Variants in ZFP90 observed in about 807,000 individuals in gnomAD.
ZFP90 encodes the protein ZFP90 zinc finger protein.
Under a neutral mutation model 60.8 loss-of-function variants are expected in ZFP90, and 38 were observed. The ratio of observed to expected loss-of-function variants is 0.62; its 90% CI spans 0.48 to 0.82. The LOEUF is 0.82. Ranked by LOEUF, ZFP90 falls within the 40% of genes least tolerant of loss-of-function variation. ZFP90 has a pLI of 0.00. For synonymous variants in ZFP90, 287 were observed against 264.8 expected (o/e 1.08, Z -0.82); for missense variants, 711 against 759.1 (o/e 0.94, Z 0.74).
chr16:68,541,261 C>T lies in ZFP90; in HGVS notation c.33+1436C>T, dbSNP rs199738284. ...CCATGTTGGCCAGTCTGGTCTCGAA[C>T]TCCTGACGTCAATTGATCCGCCCAC... On this transcript the variant is annotated intron_variant, in intron 2 of 4. Transcript: ENST00000563169. Among the ~76,000 whole-genome samples, 22 of 152,210 alleles carry T rather than the reference C, an allele frequency of 1.4e-4. No individual in the cohort carries two copies. The East Asian group carries it at 3.7e-3, about 25-fold the overall frequency.
At chr16:68,546,416 ATTCT>A (rs773700000) in intron 2 of ZFP90, among the ~76,000 whole-genome samples, 5 of 152,162 alleles carry the variant, frequency 3.3e-5, no homozygotes, top group South Asian at 2.1e-4. Flanking sequence ...ATAACTTTTC[ATTCT>A]TTCTTCTTTC....
chr16:68,543,186 G>A (rs944621816), intron 2 of ZFP90, among the ~76,000 whole-genome samples: 9 of 151,526 alleles, frequency 5.9e-5, no homozygotes, highest in South Asian at 2.1e-4. Flanking sequence ...ACAGCCTAGC[G>A]GCAAGATGTA....
chr16:68,540,160 G>C (rs1190239428), intron 2 of ZFP90, among the ~76,000 whole-genome samples: 2 of 152,120 alleles, frequency 1.3e-5, no homozygotes, highest in Non-Finnish European at 2.9e-5. Context: ...GTCACAGGAT[G>C]GAACACTGTA....
rs534768681 is a variant in ZFP90, at chr16:68,563,509, A to T, written c.722A>T (p.Asn241Ile). 5.0e-6 allele frequency: 8 copies of T among 1,614,118 alleles called. No individual in the cohort carries two copies. The highest frequency in any genetic ancestry group is 6.8e-6 in the Non-Finnish European group (8 of 1,180,050). The change falls in exon 5 of 5, where the codon AAT (asparagine) becomes ATT (isoleucine). Residue 241 changes from asparagine (N) to isoleucine (I), a missense_variant. Around this residue, in one of 5 missense-constraint regions of ZFP90, gnomAD observed 241 missense variants for 247.6 expected, o/e 0.97. Coordinates refer to ENST00000563169, the MANE Select transcript of ZFP90 (RefSeq NM_001305203.2). ...CATAAAGGAGAGGGAGCTTTCCCTA[A>T]TGGAACAGATCAAGGAATTTATCCT... ...KTHKGEGAFP[N>I]GTDQGIYPGK...
At chr16:68,568,486 C>T (rs1302662526), downstream of ZFP90, among the ~76,000 whole-genome samples, 2 of 152,148 alleles carry the variant, frequency 1.3e-5, no homozygotes, top group Non-Finnish European at 2.9e-5. Flanking sequence ...AGTAATTTGG[C>T]AATATCCAGT....
chr16:68,542,345 C>T (rs2091065471), intron 2 of ZFP90, among the ~76,000 whole-genome samples: 1 of 152,126 alleles, frequency 6.6e-6, no homozygotes, highest in Non-Finnish European at 1.5e-5. Context: ...AATCCCAGCA[C>T]TTTGGGAGGC....
rs966790584 is a variant in ZFP90 at position 68,565,297 on chromosome 16, C to T, written c.*599C>T. ...ATGCAGGTTTCCTGGATTTGGGGCC[C>T]CATGGCCTTGCCAGTGAAAAGGTTA... is the stretch of plus-strand genomic sequence containing the variant. On this transcript the variant is annotated 3_prime_UTR_variant, in exon 5 of 5. Transcript: ENST00000563169. 5 of 985,368 alleles carry T rather than the reference C, an allele frequency of 5.1e-6. No individual in the cohort carries two copies. The highest frequency in any genetic ancestry group is 4.7e-5 in the South Asian group (1 of 21,292). 61.0% of individuals were successfully genotyped at this position (985,368 alleles called of 1,614,324 possible). A position where few individuals can be genotyped will look rare whatever the true frequency, so the allele number is the denominator to read the frequency against.
upstream of ZFP90, among the ~76,000 whole-genome samples, chr16:68,534,888 C>T (rs1468913754): frequency 1.3e-5 from 2 of 152,084 alleles, no homozygotes; most frequent in Non-Finnish European, 1.5e-5. Context: ...GCCTGGGTGA[C>T]AGAGCAAGAC....
At chr16:68,561,559 G>T (rs901569980) in intron 4 of ZFP90, among the ~76,000 whole-genome samples, 3 of 152,004 alleles carry the variant, frequency 2.0e-5, no homozygotes, top group African/African-American at 7.2e-5. Context: ...GCCATCTGAT[G>T]GTTTTACCCT....
chr16:68,544,983 G>A (rs943681344), intron 2 of ZFP90, among the ~76,000 whole-genome samples: 4 of 145,370 alleles, frequency 2.8e-5, no homozygotes, highest in Non-Finnish European at 6.0e-5. Context: ...GGGTTCAAGC[G>A]ATTCTCCCGC....
At chr16:68,543,144 T>C (rs2091082403) in intron 2 of ZFP90, among the ~76,000 whole-genome samples, 1 of 151,878 alleles carries the variant, frequency 6.6e-6, no homozygotes, top group Non-Finnish European at 1.5e-5. Context: ...AGGGAGTAGA[T>C]GTGTAGGGGA....
Position 68,565,020 on chromosome 16 carries a change from C to CA in ZFP90, c.*323dup. ...CTTGACTTGTGACCCCCAATGTCAA[C>CA]AGCTTTTTTAAAAAGCAAATTCCTG... On this transcript the variant is annotated 3_prime_UTR_variant, in exon 5 of 5. Coordinates refer to ENST00000563169, the MANE Select transcript of ZFP90 (RefSeq NM_001305203.2). 1 of 1,045,330 alleles carries CA rather than the reference C, an allele frequency of 9.6e-7. No individual in the cohort carries two copies. Among genetic ancestry groups the CA allele is most frequent in the Non-Finnish European group, 1.2e-6 (1 of 869,522 alleles). 64.8% of individuals were successfully genotyped at this position (1,045,330 alleles called of 1,614,324 possible).
chr16:68,564,356 A>G lies in ZFP90; in HGVS notation c.1569A>G (p.Lys523=), dbSNP rs770834064. The change falls in exon 5 of 5, where the codon AAA becomes AAG. Residue 523 remains lysine, a synonymous_variant. Transcript: ENST00000563169. ...IEHHRIHTGE[K]PYECNECGEA... ...ATCACAGAATTCATACTGGAGAGAAACCCTATGAATGTAATGAGTGTGGAG... is the reference window on the plus strand; with the variant it reads ...ATCACAGAATTCATACTGGAGAGAAGCCCTATGAATGTAATGAGTGTGGAG... The G allele has an allele frequency of 2.5e-6, 4 of 1,613,892 alleles. No individual in the cohort carries two copies. The East Asian group carries it at 8.9e-5, about 36-fold the overall frequency.
rs1555496914 is a variant in ZFP90, at chr16:68,534,229, C to CT, written c.-36+377dup. On this transcript the variant is annotated intron_variant, in intron 2 of 3. Coordinates refer to the ZFP90 transcript ENST00000569109. ...CATTTTTAACTTAAAGATTTTCTTT[C>CT]TTTCTTTTTTTTTTTTTGAGACAGC... Among the ~76,000 whole-genome samples the CT allele has an allele frequency of 1.8e-3, 246 of 135,168 alleles. 23 individuals are homozygous for CT. Among genetic ancestry groups the CT allele is most frequent in the Middle Eastern group, 4.1e-3 (1 of 246 alleles). 88.7% of individuals were successfully genotyped at this position (135,168 alleles called of 152,430 possible).
intron 2 of ZFP90, among the ~76,000 whole-genome samples, chr16:68,540,541 A>G (rs1280978426): frequency 6.6e-6 from 1 of 152,174 alleles, no homozygotes; most frequent in Non-Finnish European, 1.5e-5. Context: ...AAGGTTATCC[A>G]TTGATTTACA....
intron 2 of ZFP90, among the ~76,000 whole-genome samples, chr16:68,553,590 A>G (rs2091294509): frequency 6.6e-6 from 1 of 152,116 alleles, no homozygotes; most frequent in Admixed American, 6.6e-5. Context: ...GCCTTGAAAC[A>G]GAGGTGACTT....
At chr16:68,550,543 G>A (rs952408889) in intron 2 of ZFP90, among the ~76,000 whole-genome samples, 3 of 152,182 alleles carry the variant, frequency 2.0e-5, no homozygotes, top group Admixed American at 6.5e-5. Context: ...GAGCCACTGC[G>A]CCTGGCCCAG....
At chr16:68,537,571 T>A (rs138316432), upstream of ZFP90, among the ~76,000 whole-genome samples, 1,051 of 152,302 alleles carry the variant, frequency 6.9e-3, 4 homozygotes, top group Middle Eastern at 0.017. Context: ...TCATTAATTT[T>A]TATATATATT....
At chr16:68,556,061 T>C (rs750514228) in intron 2 of ZFP90, among the ~76,000 whole-genome samples, 19 of 152,160 alleles carry the variant, frequency 1.2e-4, no homozygotes, top group Non-Finnish European at 2.5e-4. Context: ...TCCCAGCTAC[T>C]CTGGAGGCTA....
Sources: gnomAD v4.1 joint callset for allele counts (sites outside exome capture counted in the v4.1 genomes callset) on GRCh38, gnomAD v4.1.1 for gene constraint, gnomAD v4.1.1 regional missense constraint, MANE v1.5 for transcripts, NCBI Gene and HGNC (gene_info 2026-07-23, HGNC 2026-07-21) for gene names.